CSMD2: variants seen among roughly 807,000 people sequenced by gnomAD.
CSMD2 encodes the protein CUB and sushi domain-containing protein 2.
CSMD2 carries 130 observed loss-of-function variants against 398.5 expected under a neutral mutation model. The ratio of observed to expected loss-of-function variants is 0.33; its 90% confidence interval spans 0.28 to 0.38. CSMD2 has a LOEUF of 0.38. CSMD2 is among the 10% of genes least tolerant of loss of function. The pLI is 1.00. For synonymous variants in CSMD2, 1,828 were observed against 1,908.5 expected (o/e 0.96, Z 1.10); for missense variants, 3,829 against 4,764.9 (o/e 0.80, Z 5.78).
intron 5 of CSMD2, among the ~76,000 whole-genome samples, chr1:33,855,637 C>T (rs1208750817): frequency 3.3e-5 from 5 of 152,168 alleles, no homozygotes; most frequent in African/African-American, 1.2e-4. Context: ...GAGGCTTTAG[C>T]TGGCTGTCCC....
At chr1:33,937,915 G>T (rs1644530063) in intron 3 of CSMD2, among the ~76,000 whole-genome samples, 1 of 152,236 alleles carries the variant, frequency 6.6e-6, no homozygotes, top group Non-Finnish European at 1.5e-5. Context: ...ATGAGGGCGT[G>T]GGCCTAGTCT....
At chr1:33,631,604 A>G (rs1642472287) in intron 32 of CSMD2, among the ~76,000 whole-genome samples, 1 of 152,146 alleles carries the variant, frequency 6.6e-6, no homozygotes, top group Admixed American at 6.5e-5. Flanking sequence ...TTACAACAGC[A>G]ACAAAAATCT....
At chr1:33,742,337 C>T (rs965592468) in intron 14 of CSMD2, among the ~76,000 whole-genome samples, 9 of 152,160 alleles carry the variant, frequency 5.9e-5, no homozygotes, top group South Asian at 2.1e-4. Context: ...TTTATGCCAA[C>T]GGTGGGAATG....
At chr1:33,552,310 C>T (rs1047235978) in intron 55 of CSMD2, among the ~76,000 whole-genome samples, 8 of 152,236 alleles carry the variant, frequency 5.3e-5, no homozygotes, top group South Asian at 2.1e-4. Context: ...CTGGTAGAAA[C>T]GGAAAATGGT....
At chr1:33,846,631 A>T (rs1638258695) in intron 6 of CSMD2, among the ~76,000 whole-genome samples, 1 of 152,210 alleles carries the variant, frequency 6.6e-6, no homozygotes, top group South Asian at 2.1e-4. Context: ...ATCTGGTATT[A>T]ACTATTATGA....
intron 9 of CSMD2, chr1:33,812,881 T>A (rs1657015885): frequency 6.6e-6 from 1 of 151,940 alleles, no homozygotes; most frequent in South Asian, 2.1e-4. Context: ...ATCCTTTTTC[T>A]GCCTTTCCTG....
chr1:34,006,290 G>A (rs900399504), intron 3 of CSMD2, among the ~76,000 whole-genome samples: 2 of 152,036 alleles, frequency 1.3e-5, no homozygotes, highest in Non-Finnish European at 2.9e-5. Flanking sequence ...TAGAGGATGG[G>A]GATGCTGTAC....
At position 33,624,714 on chromosome 1, in the gene CSMD2, C is replaced by T; in HGVS notation, c.5501-71G>A. On this transcript the variant is annotated intron_variant, in intron 34 of 70. Coordinates refer to ENST00000373381, the MANE Select transcript of CSMD2 (RefSeq NM_001281956.2). The surrounding 1 kb of genome is among the most constrained non-coding windows in gnomAD (Gnocchi z 4.7). ...GGAGCCTTCCCAAGCTGACTCCTCCCTCATGGCCCCCAGCCTCTGTTTGTC... is the reference window on the plus strand; with the variant it reads ...GGAGCCTTCCCAAGCTGACTCCTCCTTCATGGCCCCCAGCCTCTGTTTGTC... 3 of 1,559,496 alleles carry T rather than the reference C, an allele frequency of 1.9e-6. No homozygotes were observed. The highest frequency in any genetic ancestry group is 1.8e-5 in the Admixed American group (1 of 56,140).
chr1:34,046,597 T>C (rs1295973144), intron 2 of CSMD2, among the ~76,000 whole-genome samples: 2 of 152,198 alleles, frequency 1.3e-5, no homozygotes, highest in African/African-American at 2.4e-5. Context: ...CATGCATGAA[T>C]AGCTTTATTT....
At chr1:33,733,705 C>T (rs938963374) in intron 15 of CSMD2, among the ~76,000 whole-genome samples, 2 of 152,124 alleles carry the variant, frequency 1.3e-5, no homozygotes, top group South Asian at 2.1e-4. Flanking sequence ...CTGGCATTTC[C>T]CTTGCTTGCA....
intron 13 of CSMD2, among the ~76,000 whole-genome samples, chr1:33,760,301 T>C (rs931779295): frequency 1.1e-4 from 17 of 152,202 alleles, no homozygotes; most frequent in African/African-American, 3.6e-4. Flanking sequence ...GGGATTTTCA[T>C]GCATTCCTCA....
intron 12 of CSMD2, among the ~76,000 whole-genome samples, chr1:33,784,713 C>T (rs959518756): frequency 6.6e-6 from 1 of 152,148 alleles, no homozygotes. Context: ...GATCCAGGTG[C>T]CTGGCCTGGA....
At chr1:34,115,092 A>G (rs952867644) in intron 1 of CSMD2, among the ~76,000 whole-genome samples, 2 of 152,134 alleles carry the variant, frequency 1.3e-5, no homozygotes, top group African/African-American at 4.8e-5. Context: ...AATAAAGCCT[A>G]AGGAACTTAG....
intron 2 of CSMD2, among the ~76,000 whole-genome samples, chr1:34,071,735 C>A (rs1655752984): frequency 6.6e-6 from 1 of 152,242 alleles, no homozygotes. Context: ...GGCAATTAGC[C>A]TTCTCTGCCA....
chr1:34,029,593 T>G (rs1454681843), intron 3 of CSMD2, among the ~76,000 whole-genome samples: 1 of 152,174 alleles, frequency 6.6e-6, no homozygotes, highest in Non-Finnish European at 1.5e-5. Flanking sequence ...CAGTCCCAAA[T>G]CAAATTAATG....
At chr1:33,525,153 A>T (rs991202963) in intron 65 of CSMD2, 110 bp from the exon 66 acceptor site, 1 of 1,133,002 alleles carries the variant, frequency 8.8e-7, no homozygotes, top group South Asian at 1.4e-5. Flanking sequence ...CCTTTCCCCA[A>T]TGTCTACCAT....
chr1:33,639,583 C>A (rs1297015137), intron 29 of CSMD2, among the ~76,000 whole-genome samples: 2 of 152,154 alleles, frequency 1.3e-5, no homozygotes, highest in African/African-American at 4.8e-5. Flanking sequence ...CTTCTCATAA[C>A]CCTGGCAACT....
At chr1:33,567,519 CTAAT>C (rs1659163121) in intron 53 of CSMD2, 70 bp downstream of exon 53, 2 of 1,365,142 alleles carry the variant, frequency 1.5e-6, no homozygotes, top group African/African-American at 3.0e-5. Flanking sequence ...TCTAGCTAAT[CTAAT>C]TAAGAGACAG....
chr1:34,025,057 C>T (rs1204761483), intron 3 of CSMD2, among the ~76,000 whole-genome samples: 2 of 152,168 alleles, frequency 1.3e-5, no homozygotes, highest in Non-Finnish European at 2.9e-5. Context: ...AACCCTACTC[C>T]CACCTCCAAA....
Sources: allele counts gnomAD v4.1 joint callset (sites outside exome capture counted in the v4.1 genomes callset), GRCh38; gene constraint gnomAD v4.1.1; non-coding constraint Gnocchi (gnomAD v3.1); transcripts MANE v1.5; gene names NCBI Gene and HGNC (gene_info 2026-07-23, HGNC 2026-07-21).